The following ADGRL3 variants were observed in gnomAD, a reference collection of about 807,000 sequenced individuals.
The protein encoded by ADGRL3 is adhesion G protein-coupled receptor L3.
In ADGRL3, 62 loss-of-function variants were observed where a neutral mutation model predicts 153.5. The observed-to-expected ratio is 0.40, with a 90% CI of 0.33 to 0.50. ADGRL3 has a LOEUF of 0.50. Ranked by LOEUF, ADGRL3 falls within the 20% of genes least tolerant of loss-of-function variation. The probability of loss-of-function intolerance (pLI) is 0.47; values close to 1 mark genes in which losing one functional copy is unlikely to be tolerated. For missense variants in ADGRL3, 1,641 were observed against 1,859.4 expected, an observed-to-expected ratio of 0.88 and a Z score of 2.16; for synonymous variants, 710 against 672.5, an observed-to-expected ratio of 1.06 and a Z score of -0.86.
At chr4:61,538,138 A>AAAAAT (rs1194980641) in intron 4 of ADGRL3, among the ~76,000 whole-genome samples, 26 of 152,292 alleles carry the variant, frequency 1.7e-4, no homozygotes, top group East Asian at 9.6e-4. Flanking sequence ...TGGGAAATAA[A>AAAAAT]AAAATAAAAT....
intron 8 of ADGRL3, among the ~76,000 whole-genome samples, chr4:61,760,381 C>T (rs2096896754): frequency 6.6e-6 from 1 of 152,312 alleles, no homozygotes; most frequent in South Asian, 2.1e-4. Context: ...CCCAGTCTCG[C>T]TGCTGCCTTG....
chr4:61,790,028 C>T (rs985781728), intron 8 of ADGRL3, among the ~76,000 whole-genome samples: 1 of 152,138 alleles, frequency 6.6e-6, no homozygotes, highest in African/African-American at 2.4e-5. Flanking sequence ...TTTTAGGATA[C>T]ATTTTAGTCA....
intron 2 of ADGRL3, among the ~76,000 whole-genome samples, chr4:61,390,351 T>C (rs1186915456): frequency 6.6e-6 from 1 of 152,144 alleles, no homozygotes; most frequent in Non-Finnish European, 1.5e-5. Context: ...ATCCACGGCA[T>C]TGAAAAAATA....
chr4:61,690,400 A>T (rs773043846), intron 6 of ADGRL3, among the ~76,000 whole-genome samples: 102 of 152,144 alleles, frequency 6.7e-4, no homozygotes, highest in Admixed American at 1.9e-3. Flanking sequence ...ATACCACTGC[A>T]CACCAGCCTA....
At chr4:61,219,980 C>T (rs987876391) in intron 1 of ADGRL3, among the ~76,000 whole-genome samples, 2 of 151,890 alleles carry the variant, frequency 1.3e-5, no homozygotes, top group South Asian at 2.1e-4. Flanking sequence ...TGGTGGCGGG[C>T]GCCTGTAACC....
intron 4 of ADGRL3, among the ~76,000 whole-genome samples, chr4:61,556,337 C>T (rs1209028198): frequency 6.6e-6 from 1 of 151,880 alleles, no homozygotes; most frequent in Non-Finnish European, 1.5e-5. Context: ...GCAGAAGGAA[C>T]AAGGAGTACA....
chr4:61,699,962 AC>A (rs140256304), intron 6 of ADGRL3, among the ~76,000 whole-genome samples: 104 of 151,306 alleles, frequency 6.9e-4, no homozygotes, highest in East Asian at 5.5e-3. Context: ...ACACACACAC[AC>A]ACACAAAAAC....
At chr4:61,468,172 C>T (rs1200169424) in intron 2 of ADGRL3, among the ~76,000 whole-genome samples, 1 of 152,164 alleles carries the variant, frequency 6.6e-6, no homozygotes, top group African/African-American at 2.4e-5. Context: ...ATACGGTTGC[C>T]ACTGGCATAA....
chr4:61,363,113 C>T (rs1473419161), intron 1 of ADGRL3, among the ~76,000 whole-genome samples: 1 of 152,124 alleles, frequency 6.6e-6, no homozygotes, highest in African/African-American at 2.4e-5. Context: ...TAGAACTTTA[C>T]ATTGAATAGA....
intron 6 of ADGRL3, among the ~76,000 whole-genome samples, chr4:61,691,979 G>T (rs1331427765): frequency 7.2e-5 from 11 of 152,018 alleles, no homozygotes; most frequent in Admixed American, 2.0e-4. Flanking sequence ...CTTAGGAGAC[G>T]ACAGCTCAGG....
At chr4:61,824,043 CAG>C in intron 9 of ADGRL3, among the ~76,000 whole-genome samples, 1 of 146,288 alleles carries the variant, frequency 6.8e-6, no homozygotes, top group African/African-American at 2.6e-5. Context: ...GTCTGGGCGA[CAG>C]AGCGAGAATC....
chr4:61,679,842 A>G (rs2095294637), intron 6 of ADGRL3, among the ~76,000 whole-genome samples: 1 of 152,010 alleles, frequency 6.6e-6, no homozygotes, highest in Admixed American at 6.6e-5. Context: ...TATTTTCATG[A>G]GCTATTTAAT....
chr4:61,703,536 T>C (rs554857767), intron 6 of ADGRL3, among the ~76,000 whole-genome samples: 1 of 152,264 alleles, frequency 6.6e-6, no homozygotes, highest in South Asian at 2.1e-4. Context: ...CTGCTTATTC[T>C]TTCAACACCT....
intron 8 of ADGRL3, among the ~76,000 whole-genome samples, chr4:61,801,066 A>G (rs1311781888): frequency 1.3e-5 from 2 of 152,146 alleles, no homozygotes; most frequent in African/African-American, 4.8e-5. Context: ...GTTCAGTGGC[A>G]GGTGGTTCGG....
intron 8 of ADGRL3, among the ~76,000 whole-genome samples, chr4:61,789,952 T>G (rs2097322327): frequency 6.6e-6 from 1 of 152,226 alleles, no homozygotes; most frequent in South Asian, 2.1e-4. Context: ...TTTGAATCTC[T>G]TAAAAAATGA....
Position 62,070,173 on chromosome 4 carries a change from T to C in ADGRL3, c.3897T>C (p.His1299=). 6.2e-7 allele frequency: 1 copy of C among 1,614,072 alleles called. No homozygotes were observed. The highest frequency in any genetic ancestry group is 8.5e-7 in the Non-Finnish European group (1 of 1,179,998). ...VMDTLPLNGN[H]GNSYSIASGE... is the part of the protein sequence containing the mutation. Reference sequence around the variant, plus strand: ...ATACTCTACCACTGAATGGTAACCATGGCAATAGTTACAGCATTGCCAGCG... The same window carrying C: ...ATACTCTACCACTGAATGGTAACCACGGCAATAGTTACAGCATTGCCAGCG... Residue 1299 remains histidine, a synonymous_variant, in exon 27 of 27, where the codon CAT becomes CAC. Transcript: ENST00000683033.
intron 4 of ADGRL3, among the ~76,000 whole-genome samples, chr4:61,574,746 C>T (rs2098859556): frequency 6.6e-6 from 1 of 151,722 alleles, no homozygotes; most frequent in African/African-American, 2.4e-5. Flanking sequence ...GGGCACATTT[C>T]TAGGCATTGA....
intron 13 of ADGRL3, among the ~76,000 whole-genome samples, chr4:61,918,700 C>T (rs1465360394): frequency 1.3e-5 from 2 of 152,126 alleles, no homozygotes; most frequent in Non-Finnish European, 2.9e-5. Context: ...TGAATCTGCT[C>T]AGAAATGCTG....
At chr4:61,702,229 G>GATTGAA (rs1055628991) in intron 6 of ADGRL3, among the ~76,000 whole-genome samples, 106 of 152,198 alleles carry the variant, frequency 7.0e-4, no homozygotes, top group African/African-American at 2.5e-3. Flanking sequence ...TCAATCTCCA[G>GATTGAA]ACTAGTTGTC....
Sources: gnomAD v4.1 joint callset for allele counts (sites outside exome capture counted in the v4.1 genomes callset) on GRCh38, gnomAD v4.1.1 for gene constraint, MANE v1.5 for transcripts, NCBI Gene and HGNC (gene_info 2026-07-23, HGNC 2026-07-21) for gene names.